The following ZBTB46 variants were observed in gnomAD, a reference collection of about 807,000 sequenced individuals.
ZBTB46 encodes the protein zinc finger and BTB domain-containing protein 46.
Under a neutral mutation model 44.1 loss-of-function variants are expected in ZBTB46, and 8 were observed. That is an observed-to-expected ratio of 0.18 (90% CI 0.11 to 0.33). ZBTB46 has a LOEUF of 0.33. Ranked by LOEUF, ZBTB46 falls within the 10% of genes least tolerant of loss-of-function variation. ZBTB46 has a pLI of 1.00. For missense variants in ZBTB46, 651 were observed against 847.7 expected, an observed-to-expected ratio of 0.77 and a Z score of 2.88; for synonymous variants, 409 against 382.3, an observed-to-expected ratio of 1.07 and a Z score of -0.81.
chr20:63,810,566 C>T (rs754500635), intron 1 of ZBTB46, among the ~76,000 whole-genome samples: 2 of 152,002 alleles, frequency 1.3e-5, no homozygotes, highest in Non-Finnish European at 2.9e-5. Flanking sequence ...GCCTACATAA[C>T]GAAACTCTGT....
intron 3 of ZBTB46, among the ~76,000 whole-genome samples, chr20:63,766,717 C>T (rs2145824121): frequency 6.6e-6 from 1 of 152,300 alleles, no homozygotes; most frequent in African/African-American, 2.4e-5. Flanking sequence ...CTAGAAATCC[C>T]ACTTTTCTCC....
chr20:63,817,780 CTG>C (rs2092768506), intron 1 of ZBTB46, among the ~76,000 whole-genome samples: 1 of 151,506 alleles, frequency 6.6e-6, no homozygotes, highest in Non-Finnish European at 1.5e-5. Flanking sequence ...GCAGGGGAGA[CTG>C]TGTGAAGACA....
rs751781670 is a variant in ZBTB46, at chr20:63,790,349, C to T, written c.409G>A (p.Ala137Thr). ...AALDISIKSD[A>T]SDELAEFEIG... ...TCGAACTCCGCAAGCTCATCTGAGG[C>T]GTCCGACTTGATGCTGATGTCCAGC... Residue 137 changes from alanine to threonine, a missense_variant, in exon 2 of 5, where the codon GCC becomes ACC. Physicochemically the swap from Ala to Thr is moderately conservative, Grantham distance 58 (BLOSUM62 0). Coordinates refer to ENST00000245663, the MANE Select transcript of ZBTB46 (RefSeq NM_001369741.1). 4.3e-6 allele frequency: 7 copies of T among 1,613,212 alleles called. No homozygotes were observed. The highest frequency in any genetic ancestry group is 3.3e-5 in the Admixed American group (2 of 60,008).
At chr20:63,809,863 T>G (rs6011142) in intron 1 of ZBTB46, among the ~76,000 whole-genome samples, 27,085 of 151,030 alleles carry the variant, frequency 0.18, 2,930 homozygotes, top group East Asian at 0.45. Context: ...CTCTGGAGGA[T>G]GAAGTGGGAG....
At chr20:63,797,528 T>C (rs2092613144) in intron 1 of ZBTB46, among the ~76,000 whole-genome samples, 1 of 152,210 alleles carries the variant, frequency 6.6e-6, no homozygotes, top group Non-Finnish European at 1.5e-5. Context: ...AGTAATGGGA[T>C]GGCTGGGTCA....
intron 3 of ZBTB46, among the ~76,000 whole-genome samples, chr20:63,762,949 AC>A (rs1360259129): frequency 1.3e-5 from 2 of 152,080 alleles, no homozygotes; most frequent in African/African-American, 2.4e-5. Flanking sequence ...GTAACCTCAA[AC>A]TTTTGGGCTC....
intron 1 of ZBTB46, among the ~76,000 whole-genome samples, chr20:63,810,601 C>G (rs1032923988): frequency 3.9e-5 from 6 of 152,084 alleles, no homozygotes; most frequent in Non-Finnish European, 8.8e-5. Context: ...TTAAAATTAG[C>G]TGGGCGTGGT....
At position 63,744,560 on chromosome 20, in the gene ZBTB46, C is replaced by T. The variant is rs2092070214; in HGVS notation, c.*2370G>A. 6.6e-6 allele frequency: 1 copy of T among 152,178 alleles called. No individual in the cohort carries two copies. The highest frequency in any genetic ancestry group is 2.4e-5 in the African/African-American group (1 of 41,364). The allele number at this position is 152,178 out of a possible 1,614,324, so 9.4% of individuals were successfully genotyped here. A position where few individuals can be genotyped will look rare whatever the true frequency, so the allele number is the denominator to read the frequency against. On this transcript the variant is annotated 3_prime_UTR_variant, in exon 5 of 5. Transcript: ENST00000245663. ...AAAAAATATTTATTAGTTTGAACAT[C>T]GATTTAAAAAAAAATCAGTCACATA...
intron 4 of ZBTB46, among the ~76,000 whole-genome samples, chr20:63,750,509 G>A (rs1431353726): frequency 1.3e-5 from 2 of 151,968 alleles, no homozygotes; most frequent in East Asian, 1.9e-4. Context: ...GAAGTGCTAG[G>A]ATTACAGGCA....
chr20:63,752,822 G>C lies in ZBTB46; in HGVS notation c.1262C>G (p.Pro421Arg). ...FTVIRKKFKC[P>R]YCSFSAMHQC... ...GTGCATGGCCGAGAAGCTGCAGTAC[G>C]GACACTTGAACTTCTTCCTGATCAC... Residue 421 changes from proline to arginine, a missense_variant, in exon 4 of 5, where the codon CCG becomes CGG. Pro to Arg is a moderately radical substitution (Grantham distance 103). Coordinates refer to ENST00000245663, the MANE Select transcript of ZBTB46 (RefSeq NM_001369741.1). This position sits in a 1 kb window ranked among gnomAD's most constrained non-coding sequence, Gnocchi z 5.6. 1 of 1,611,984 alleles carries C rather than the reference G, an allele frequency of 6.2e-7. No individual in the cohort carries two copies. Among genetic ancestry groups the C allele is most frequent in the Non-Finnish European group, 8.5e-7 (1 of 1,178,760 alleles).
chr20:63,757,983 G>A (rs1239877272), intron 3 of ZBTB46, among the ~76,000 whole-genome samples: 2 of 115,024 alleles, frequency 1.7e-5, no homozygotes, highest in African/African-American at 6.5e-5. Context: ...CCCTCCACCC[G>A]CCCATCCAAA....
At chr20:63,748,599 C>A (rs2092128527) in intron 4 of ZBTB46, among the ~76,000 whole-genome samples, 1 of 152,190 alleles carries the variant, frequency 6.6e-6, no homozygotes, top group Admixed American at 6.5e-5. Context: ...CCACAGAGGA[C>A]CCCAATAGCA....
intron 1 of ZBTB46, among the ~76,000 whole-genome samples, chr20:63,796,329 G>A (rs925769610): frequency 6.6e-6 from 1 of 152,252 alleles, no homozygotes; most frequent in Middle Eastern, 3.2e-3. Flanking sequence ...CCTGCTGGCA[G>A]CGCCTGGCAC....
intron 3 of ZBTB46, among the ~76,000 whole-genome samples, chr20:63,760,119 G>C (rs542287036): frequency 3.3e-5 from 5 of 152,334 alleles, no homozygotes; most frequent in Admixed American, 6.5e-5. Context: ...CTGGGATCAA[G>C]ACCATGCCAG....
rs1601392300 is a variant in ZBTB46, at chr20:63,752,370, G to T, written c.1398+316C>A. On this transcript the variant is annotated intron_variant, in intron 4 of 4. Coordinates refer to ENST00000245663, the MANE Select transcript of ZBTB46 (RefSeq NM_001369741.1). The surrounding 1 kb of genome is among the most constrained non-coding windows in gnomAD (Gnocchi z 5.6). ...CTCCCGAGGCAGGGCGGGGGCGGGG[G>T]GGCGCAGAGGTGGCTGAGGGTTGGG... 6.6e-6 allele frequency among the ~76,000 whole-genome samples: 1 copy of T among 152,236 alleles called. No individual in the cohort carries two copies. Among genetic ancestry groups the T allele is most frequent in the Admixed American group, 6.5e-5 (1 of 15,288 alleles).
In ZBTB46 at chr20:63,803,447, C is replaced by T. The variant is rs1268901939; in HGVS notation, c.-33-12657G>A. 1.0e-6 allele frequency: 1 copy of T among 985,326 alleles called. No individual in the cohort carries two copies. Among genetic ancestry groups the T allele is most frequent in the East Asian group, 1.1e-4 (1 of 8,830 alleles). The allele number at this position is 985,326 out of a possible 1,614,324, so 61.0% of individuals were successfully genotyped here. A position where few individuals can be genotyped will look rare whatever the true frequency, so the allele number is the denominator to read the frequency against. On this transcript the variant is annotated intron_variant, in intron 1 of 4. Transcript: ENST00000245663. This position sits in a 1 kb window ranked among gnomAD's most constrained non-coding sequence, Gnocchi z 4.0. ...ACAGCGAGACCGGTGGTACTATCCA[C>T]ATCATCTCCAGTGAGCAAGTGGGTG...
At chr20:63,775,495 C>T in intron 3 of ZBTB46, 183 bp downstream of exon 3, 3 of 720,160 alleles carry the variant, frequency 4.2e-6, no homozygotes, top group South Asian at 2.4e-5. Flanking sequence ...GCCAGCCCCC[C>T]GTGCACCTGA....
At chr20:63,786,572 C>T (rs1043449640) in intron 2 of ZBTB46, among the ~76,000 whole-genome samples, 5 of 152,206 alleles carry the variant, frequency 3.3e-5, no homozygotes, top group South Asian at 4.2e-4. Flanking sequence ...AGTGCAGTGG[C>T]GCGATCTCAG....
In ZBTB46 at chr20:63,803,406, G is replaced by C. The variant is rs999092145; in HGVS notation, c.-33-12616C>G. On this transcript the variant is annotated intron_variant, in intron 1 of 4. Transcript: ENST00000245663. The surrounding 1 kb of genome is among the most constrained non-coding windows in gnomAD (Gnocchi z 4.0). Reference sequence around the variant, plus strand: ...CTAGAAAACACTCCAAGACATGTTAGCAGAGTCGTCTTTCGACAGCGAGAC... The same window carrying C: ...CTAGAAAACACTCCAAGACATGTTACCAGAGTCGTCTTTCGACAGCGAGAC... 7.8e-5 allele frequency: 77 copies of C among 985,340 alleles called. No homozygotes were observed. Among genetic ancestry groups the C allele is most frequent in the Non-Finnish European group, 8.9e-5 (74 of 829,944 alleles). 61.0% of individuals were successfully genotyped at this position (985,340 alleles called of 1,614,324 possible).
Sources: allele counts gnomAD v4.1 joint callset (sites outside exome capture counted in the v4.1 genomes callset), GRCh38; gene constraint gnomAD v4.1.1; non-coding constraint Gnocchi (gnomAD v3.1); transcripts MANE v1.5; gene names NCBI Gene and HGNC (gene_info 2026-07-23, HGNC 2026-07-21).